The following PDE4D variants were observed in gnomAD, a reference collection of about 807,000 sequenced individuals.
The protein encoded by PDE4D is 3',5'-cyclic-AMP phosphodiesterase 4D.
PDE4D carries 24 observed loss-of-function variants against 87.4 expected under a neutral mutation model. The ratio of observed to expected loss-of-function variants is 0.27; its 90% CI spans 0.20 to 0.39. The LOEUF (loss-of-function observed/expected upper bound fraction) is 0.39, where lower values mean the gene tolerates loss of function less well. Among genes scored for constraint, PDE4D ranks in the 10% least tolerant of loss-of-function variants. PDE4D has a pLI of 1.00. For missense variants in PDE4D, 714 were observed against 1,041.0 expected, an observed-to-expected ratio of 0.69 and a Z score of 4.32; for synonymous variants, 384 against 383.2, an observed-to-expected ratio of 1.00 and a Z score of -0.02.
chr5:60,224,850 T>C (rs1583134649), intron 1 of PDE4D, among the ~76,000 whole-genome samples: 1 of 151,852 alleles, frequency 6.6e-6, no homozygotes, highest in Non-Finnish European at 1.5e-5. Context: ...ATTTTTAATC[T>C]GGGGGAGGCG....
At chr5:59,873,526 G>A (rs1748124794) in intron 1 of PDE4D, among the ~76,000 whole-genome samples, 1 of 152,120 alleles carries the variant, frequency 6.6e-6, no homozygotes, top group Non-Finnish European at 1.5e-5. Flanking sequence ...GGCTTAAAAG[G>A]GCATGAGATT....
chr5:59,521,639 G>A (rs1038543680), intron 1 of PDE4D, among the ~76,000 whole-genome samples: 1 of 151,246 alleles, frequency 6.6e-6, no homozygotes, highest in Non-Finnish European at 1.5e-5. Context: ...CTCATTTCCT[G>A]ACACTCTTTC....
chr5:59,401,127 T>C (rs916867235), intron 1 of PDE4D, among the ~76,000 whole-genome samples: 6 of 152,192 alleles, frequency 3.9e-5, no homozygotes, highest in African/African-American at 1.2e-4. Context: ...TATGTGCACA[T>C]GGTATACATA....
At chr5:60,081,594 T>G (rs1041270379) in intron 2 of PDE4D, among the ~76,000 whole-genome samples, 3 of 152,184 alleles carry the variant, frequency 2.0e-5, no homozygotes, top group African/African-American at 7.2e-5. Context: ...TGTTGTCTCT[T>G]TGTTCTCATT....
chr5:59,194,754 A>G (rs1224753057), intron 2 of PDE4D, among the ~76,000 whole-genome samples: 2 of 152,202 alleles, frequency 1.3e-5, no homozygotes, highest in Non-Finnish European at 2.9e-5. Flanking sequence ...ATTGGGTTTT[A>G]TGATCATTTT....
chr5:59,638,308 A>C (rs298035), intron 1 of PDE4D, among the ~76,000 whole-genome samples: 149,709 of 152,246 alleles, frequency 0.98, 73,628 homozygotes, highest in East Asian at 1. Flanking sequence ...TGATGAATAG[A>C]CCACCAGAAT....
intron 1 of PDE4D, among the ~76,000 whole-genome samples, chr5:59,745,087 A>C (rs1285085795): frequency 6.6e-6 from 1 of 152,200 alleles, no homozygotes; most frequent in Admixed American, 6.5e-5. Flanking sequence ...ATAATCCTGC[A>C]TCTTATCAGC....
intron 2 of PDE4D, among the ~76,000 whole-genome samples, chr5:59,995,596 G>C (rs1763458338): frequency 6.6e-6 from 1 of 152,140 alleles, no homozygotes; most frequent in Non-Finnish European, 1.5e-5. Context: ...TGGGATTACA[G>C]GTGTGAGCCA....
At chr5:59,754,519 T>C (rs1561598825) in intron 1 of PDE4D, among the ~76,000 whole-genome samples, 1 of 152,122 alleles carries the variant, frequency 6.6e-6, no homozygotes, top group Non-Finnish European at 1.5e-5. Flanking sequence ...GCAGTGCTGT[T>C]GCCATCATGA....
At chr5:59,257,206 AGGAAAATGATC>A (rs1433569520) in intron 1 of PDE4D, among the ~76,000 whole-genome samples, 2 of 152,090 alleles carry the variant, frequency 1.3e-5, no homozygotes, top group Non-Finnish European at 2.9e-5. Flanking sequence ...TGCATACATG[AGGAAAATGATC>A]GTGGCAATGA....
chr5:59,993,947 T>C (rs1763269857), intron 2 of PDE4D, among the ~76,000 whole-genome samples: 2 of 152,078 alleles, frequency 1.3e-5, no homozygotes, highest in Admixed American at 1.3e-4. Flanking sequence ...ACTTTAATGT[T>C]ATGCTTTTTA....
chr5:59,156,331 A>ATATATGTGTG (rs1384479557), intron 5 of PDE4D, among the ~76,000 whole-genome samples: 10 of 122,758 alleles, frequency 8.1e-5, no homozygotes, highest in African/African-American at 3.0e-4. Context: ...ATATATATAT[A>ATATATGTGTG]TGTGTGTGTG....
At chr5:60,081,498 G>C (rs1773948150) in intron 2 of PDE4D, among the ~76,000 whole-genome samples, 1 of 152,034 alleles carries the variant, frequency 6.6e-6, no homozygotes, top group Non-Finnish European at 1.5e-5. Context: ...GTCGATTTGA[G>C]ATATTTCCAG....
chr5:59,410,983 A>G (rs764993391), intron 1 of PDE4D, among the ~76,000 whole-genome samples: 13 of 152,276 alleles, frequency 8.5e-5, no homozygotes, highest in Admixed American at 3.3e-4. Context: ...CAATGTGCCT[A>G]GTATCCCCAG....
intron 1 of PDE4D, among the ~76,000 whole-genome samples, chr5:59,645,780 A>G (rs980965948): frequency 2.0e-5 from 3 of 152,218 alleles, no homozygotes; most frequent in African/African-American, 7.2e-5. Context: ...CAGTTCACAA[A>G]TGAAAGACAT....
In PDE4D at chr5:60,460,890, T is replaced by G. The variant is rs1746880048; in HGVS notation, c.-90+27052A>C. Among the ~76,000 whole-genome samples the G allele has an allele frequency of 2.0e-5, 3 of 152,162 alleles. No homozygotes were observed. The South Asian group carries it at 6.2e-4, about 32-fold the overall frequency. ...TTTACACTATTAATTCCATTCTTAA[T>G]TAATAGCATAAATGTCCATTCTTAA... On this transcript the variant is annotated intron_variant, in intron 1 of 16. Transcript: ENST00000502484.
At chr5:60,512,911 G>T (rs1583966369) in intron 1 of PDE4D, among the ~76,000 whole-genome samples, 1 of 152,116 alleles carries the variant, frequency 6.6e-6, no homozygotes, top group Admixed American at 6.6e-5. Flanking sequence ...TCCTGAGGGG[G>T]TTAATATTGA....
chr5:59,765,345 A>T (rs1281292609), intron 1 of PDE4D, among the ~76,000 whole-genome samples: 1 of 152,226 alleles, frequency 6.6e-6, no homozygotes. Flanking sequence ...TACAGATGTT[A>T]TTCTAAGAAT....
intron 1 of PDE4D, among the ~76,000 whole-genome samples, chr5:59,858,407 T>C (rs1441679851): frequency 6.6e-6 from 1 of 151,976 alleles, no homozygotes; most frequent in Non-Finnish European, 1.5e-5. Context: ...AGCCCTCCCA[T>C]CAAGGGTGGG....
Sources: gnomAD v4.1 joint callset for allele counts (sites outside exome capture counted in the v4.1 genomes callset) on GRCh38, gnomAD v4.1.1 for gene constraint, MANE v1.5 for transcripts, NCBI Gene and HGNC (gene_info 2026-07-23, HGNC 2026-07-21) for gene names.